The following ANKS1A variants were observed in gnomAD, a reference collection of about 807,000 sequenced individuals.
The protein encoded by ANKS1A is ankyrin repeat and SAM domain-containing protein 1A.
A neutral mutation model predicts 120.3 loss-of-function variants in ANKS1A; 55 were observed. That is an observed-to-expected ratio of 0.46 (90% CI 0.37 to 0.57). The LOEUF is 0.57. ANKS1A is among the 20% of genes least tolerant of loss of function. The pLI is 0.00. For missense variants in ANKS1A, 1,123 were observed against 1,480.3 expected (o/e 0.76, Z 3.96); for synonymous variants, 590 against 604.7 (o/e 0.98, Z 0.36).
In ANKS1A at chr6:35,082,701, G is replaced by A. The variant is rs140146413; in HGVS notation, c.2720G>A (p.Arg907His). 192 of 1,610,666 alleles carry A rather than the reference G, an allele frequency of 1.2e-4. No homozygotes were observed. The highest frequency in any genetic ancestry group is 1.4e-4 in the Non-Finnish European group (167 of 1,178,442). Residue 907 changes from arginine to histidine, a missense_variant, in exon 18 of 24, where the codon CGT (arginine) becomes CAT (histidine). Physicochemically the swap from Arg to His is conservative, Grantham distance 29. Around this residue, in one of 3 missense-constraint regions of ANKS1A, gnomAD observed 904 missense variants for 1,130.4 expected, o/e 0.80. Coordinates refer to ENST00000360359, the MANE Select transcript of ANKS1A (RefSeq NM_015245.3). This position sits in a 1 kb window ranked among gnomAD's most constrained non-coding sequence, Gnocchi z 4.1. ...GCGTGTGTTTCGCAGGAGGAGCACC[G>A]TGAGGCCAAGCTGACCCTGCGGCCC... is the stretch of plus-strand genomic sequence containing the variant. ...AERFRIQEEH[R>H]EAKLTLRPPS...
In ANKS1A at chr6:35,071,135, G is replaced by A. The variant is rs139666001; in HGVS notation, c.2185-7423G>A. The A allele has an allele frequency of 1.7e-5, 5 of 295,646 alleles. No homozygotes were observed. The East Asian group carries it at 4.1e-4, about 24-fold the overall frequency. 18.3% of individuals were successfully genotyped at this position (295,646 alleles called of 1,614,324 possible). ...TCAGAAAATCTTTGAATCCACTTGT[G>A]ACCTGTAAGGCCACCACCCCCAAAC... On this transcript the variant is annotated intron_variant, in intron 13 of 23. Transcript: ENST00000360359.
chr6:35,039,744 A>G (rs1158567968), intron 11 of ANKS1A: 1 of 414,672 alleles, frequency 2.4e-6, no homozygotes, highest in African/African-American at 2.1e-5. Context: ...CATTTTTCCC[A>G]GGTCTTTTTC....
Position 35,017,656 on chromosome 6 carries a change from C to T in ANKS1A, c.1607C>T (p.Ala536Val). 6.2e-7 allele frequency: 1 copy of T among 1,613,878 alleles called. No homozygotes were observed. Among genetic ancestry groups the T allele is most frequent in the Non-Finnish European group, 8.5e-7 (1 of 1,179,902 alleles). The part of the protein sequence containing the change: ...SHPDGSPQQG[A>V]CHKASMQLEE... Reference sequence around the variant, plus strand: ...CCAGACGGGTCCCCCCAGCAGGGCGCCTGCCACAAGGCCAGCATGCAGCTG... The same window carrying T: ...CCAGACGGGTCCCCCCAGCAGGGCGTCTGCCACAAGGCCAGCATGCAGCTG... The change falls in exon 11 of 24, where the codon GCC becomes GTC. Residue 536 changes from alanine (A) to valine (V), a missense_variant. Around this residue, in one of 3 missense-constraint regions of ANKS1A, gnomAD observed 904 missense variants for 1,130.4 expected, o/e 0.80. Transcript: ENST00000360359.
chr6:35,050,360 G>A lies in ANKS1A; in HGVS notation c.2011-3739G>A, dbSNP rs964471976. ...AGTTCACGTGAAGTGCACTAATAAG[G>A]AAGCATGGCCATTTCTCATCTCTCT... On this transcript the variant is annotated intron_variant, in intron 11 of 23. Coordinates refer to ENST00000360359, the MANE Select transcript of ANKS1A (RefSeq NM_015245.3). This position sits in a 1 kb window ranked among gnomAD's most constrained non-coding sequence, Gnocchi z 4.3. Among the ~76,000 whole-genome samples, 2 of 152,156 alleles carry A rather than the reference G, an allele frequency of 1.3e-5. No individual in the cohort carries two copies. The highest frequency in any genetic ancestry group is 2.9e-5 in the Non-Finnish European group (2 of 68,024).
At chr6:35,062,284 C>T (rs1015604817) in intron 13 of ANKS1A, among the ~76,000 whole-genome samples, 14 of 152,192 alleles carry the variant, frequency 9.2e-5, no homozygotes, top group African/African-American at 3.4e-4. Context: ...CCTCAGATAC[C>T]TAGAGTGGCC....
chr6:34,923,923 A>C (rs1198971888), intron 1 of ANKS1A, among the ~76,000 whole-genome samples: 1 of 152,106 alleles, frequency 6.6e-6, no homozygotes, highest in East Asian at 1.9e-4. Flanking sequence ...GAATGTCTAC[A>C]CTTTTTTCTG....
At chr6:34,971,442 T>A (rs1202305546) in intron 3 of ANKS1A, among the ~76,000 whole-genome samples, 1 of 152,184 alleles carries the variant, frequency 6.6e-6, no homozygotes, top group Non-Finnish European at 1.5e-5. Flanking sequence ...GGTTGGAAGT[T>A]GTGTGCAAGT....
chr6:35,048,443 C>T (rs1190048288), intron 11 of ANKS1A, among the ~76,000 whole-genome samples: 2 of 152,208 alleles, frequency 1.3e-5, no homozygotes, highest in African/African-American at 4.8e-5. Flanking sequence ...CAGATAGTTA[C>T]TCATTCCCTG....
chr6:34,908,973 G>A (rs1296843908), intron 1 of ANKS1A, among the ~76,000 whole-genome samples: 2 of 152,096 alleles, frequency 1.3e-5, no homozygotes, highest in African/African-American at 4.8e-5. Flanking sequence ...TAAGCACTTG[G>A]ATATTAAATG....
At chr6:34,939,106 T>C (rs746222454) in intron 1 of ANKS1A, among the ~76,000 whole-genome samples, 3 of 152,242 alleles carry the variant, frequency 2.0e-5, no homozygotes, top group Non-Finnish European at 2.9e-5. Context: ...TATTTGATTT[T>C]AGATTACTTA....
intron 1 of ANKS1A, among the ~76,000 whole-genome samples, chr6:34,910,486 C>G (rs78529925): frequency 6.6e-6 from 1 of 152,100 alleles, no homozygotes; most frequent in Non-Finnish European, 1.5e-5. Flanking sequence ...ACTTGAGCCT[C>G]GGAGGTGGAG....
chr6:35,049,035 G>C (rs1045716153), intron 11 of ANKS1A, among the ~76,000 whole-genome samples: 1 of 152,236 alleles, frequency 6.6e-6, no homozygotes, highest in Non-Finnish European at 1.5e-5. Flanking sequence ...CTGTGGAGGA[G>C]AGCTTCAGTT....
chr6:35,079,313 G>A (rs541020486), intron 14 of ANKS1A, among the ~76,000 whole-genome samples: 5 of 152,246 alleles, frequency 3.3e-5, no homozygotes, highest in African/African-American at 9.6e-5. Context: ...GTGCTCCAGC[G>A]GCTCCTGCCT....
chr6:34,936,387 G>A (rs1408967259), intron 1 of ANKS1A, among the ~76,000 whole-genome samples: 3 of 152,152 alleles, frequency 2.0e-5, no homozygotes, highest in East Asian at 1.9e-4. Flanking sequence ...TGTAGCAGGC[G>A]GGAACACTCA....
chr6:35,062,819 G>T (rs1201049803), intron 13 of ANKS1A, among the ~76,000 whole-genome samples: 1 of 152,214 alleles, frequency 6.6e-6, no homozygotes, highest in Non-Finnish European at 1.5e-5. Flanking sequence ...TCACTACCTT[G>T]TAAGGAGGTT....
intron 11 of ANKS1A, among the ~76,000 whole-genome samples, chr6:35,053,280 G>A (rs1776055362): frequency 6.6e-6 from 1 of 152,276 alleles, no homozygotes; most frequent in Admixed American, 6.5e-5. Context: ...CCACTGCCTA[G>A]TTCTGCCCCT....
chr6:35,034,290 T>G (rs904001859), intron 11 of ANKS1A, among the ~76,000 whole-genome samples: 4 of 152,338 alleles, frequency 2.6e-5, no homozygotes, highest in African/African-American at 4.8e-5. Context: ...TTGGTTCTTT[T>G]TCTTGAATGT....
chr6:35,062,465 A>G (rs773935547), intron 13 of ANKS1A, among the ~76,000 whole-genome samples: 2 of 152,230 alleles, frequency 1.3e-5, no homozygotes, highest in Non-Finnish European at 2.9e-5. Context: ...GCTACAGTGG[A>G]TCCCATGTGG....
At chr6:34,924,347 A>G (rs1253831072) in intron 1 of ANKS1A, among the ~76,000 whole-genome samples, 1 of 152,122 alleles carries the variant, frequency 6.6e-6, no homozygotes, top group Admixed American at 6.5e-5. Flanking sequence ...AAAGTTGAAG[A>G]TTTGTATACA....
Sources: gnomAD v4.1 joint callset for allele counts (sites outside exome capture counted in the v4.1 genomes callset) on GRCh38, gnomAD v4.1.1 for gene constraint, gnomAD v4.1.1 regional missense constraint, Gnocchi (gnomAD v3.1) non-coding constraint, MANE v1.5 for transcripts, NCBI Gene and HGNC (gene_info 2026-07-23, HGNC 2026-07-21) for gene names.